CCDC13: variants seen among roughly 807,000 people sequenced by gnomAD.
The protein encoded by CCDC13 is coiled-coil domain-containing protein 13.
A neutral mutation model predicts 87.3 loss-of-function variants in CCDC13; 70 were observed. That is an observed-to-expected ratio of 0.80 (90% CI 0.66 to 0.98). The LOEUF is 0.98. Among genes scored for constraint, CCDC13 ranks in the 50% least tolerant of loss-of-function variants. CCDC13 has a pLI of 0.00. For synonymous variants in CCDC13, 317 were observed against 360.3 expected, an observed-to-expected ratio of 0.88 and a Z score of 1.36; for missense variants, 842 against 892.0, an observed-to-expected ratio of 0.94 and a Z score of 0.71.
rs750568042 is a variant in CCDC13, at chr3:42,747,327, G to C, written c.650C>G (p.Thr217Ser). The part of the protein sequence containing the change: ...VKALQDRLVA[T>S]NLKMSDLRNQ... ...TCGGAGGTCACTCATCTTCAAGTTG[G>C]TGGCCACCAGCCTGTCCTGCAGGGC... The change falls in exon 6 of 16, where the codon ACC becomes AGC. Residue 217 changes from threonine (T) to serine (S), a missense_variant. Transcript: ENST00000310232. 14 of 1,614,008 alleles carry C rather than the reference G, an allele frequency of 8.7e-6. No homozygotes were observed. Among genetic ancestry groups the C allele is most frequent in the Admixed American group, 5.0e-5 (3 of 60,004 alleles).
chr3:42,746,060 A>G, intron 6 of CCDC13, 33 bp from the exon 7 acceptor site: 2 of 1,515,676 alleles, frequency 1.3e-6, no homozygotes, highest in South Asian at 2.2e-5. Flanking sequence ...ATGTGGCCAA[A>G]AGAGAGGGCT....
intron 13 of CCDC13, among the ~76,000 whole-genome samples, chr3:42,714,523 T>C (rs1366033086): frequency 6.6e-6 from 1 of 152,274 alleles, no homozygotes; most frequent in Non-Finnish European, 1.5e-5. Flanking sequence ...TTAATCCCAC[T>C]GGAGCTTGAG....
chr3:42,762,186 G>C (rs1403420162), intron 1 of CCDC13, among the ~76,000 whole-genome samples: 1 of 152,198 alleles, frequency 6.6e-6, no homozygotes. Context: ...TGAGCCCAGG[G>C]TTTGGCAAAG....
chr3:42,752,765 A>G, intron 3 of CCDC13, 48 bp from the exon 4 acceptor site: 1 of 1,603,458 alleles, frequency 6.2e-7, no homozygotes, highest in Non-Finnish European at 8.5e-7. Flanking sequence ...AGGCATACAC[A>G]TCAAACTCAT....
intron 1 of CCDC13, among the ~76,000 whole-genome samples, chr3:42,762,243 G>A (rs777889220): frequency 4.6e-5 from 7 of 152,350 alleles, no homozygotes; most frequent in Admixed American, 3.3e-4. Context: ...TCCTTACCAG[G>A]CAGCTCTGCC....
At chr3:42,764,834 A>G (rs1157670738) in intron 1 of CCDC13, among the ~76,000 whole-genome samples, 5 of 152,116 alleles carry the variant, frequency 3.3e-5, no homozygotes, top group Non-Finnish European at 7.4e-5. Flanking sequence ...CTTGATCACT[A>G]AACTTAACCT....
chr3:42,771,175 A>G (rs1393944558), intron 1 of CCDC13: 1 of 152,216 alleles, frequency 6.6e-6, no homozygotes, highest in Non-Finnish European at 1.5e-5. Context: ...AGAAACCTAA[A>G]TGTGTATTGT....
chr3:42,746,086 G>T, intron 6 of CCDC13, 59 bp from the exon 7 acceptor site: 1 of 1,219,224 alleles, frequency 8.2e-7, no homozygotes, highest in Non-Finnish European at 1.2e-6. Flanking sequence ...AGACCCTGAT[G>T]CTGCTACGTA....
chr3:42,709,571 C>G, intron 15 of CCDC13, 113 bp downstream of exon 15: 1 of 861,520 alleles, frequency 1.2e-6, no homozygotes, highest in Admixed American at 2.0e-5. Context: ...ACAGGACAAG[C>G]CTTCTGGGCA....
chr3:42,762,368 T>C (rs559442217), intron 1 of CCDC13, among the ~76,000 whole-genome samples: 30 of 152,370 alleles, frequency 2.0e-4, no homozygotes, highest in African/African-American at 7.2e-4. Flanking sequence ...TCTGAGCCCT[T>C]GGACCATCCT....
In CCDC13 at chr3:42,725,502, C is replaced by T. The variant is rs1338114421; in HGVS notation, c.1718+4965G>A. Among the ~76,000 whole-genome samples, 4 of 135,418 alleles carry T rather than the reference C, an allele frequency of 3.0e-5. No individual in the cohort carries two copies. The Admixed American group carries it at 3.2e-4, about 11-fold the overall frequency. The allele number at this position is 135,418 out of a possible 152,430, so 88.8% of individuals were successfully genotyped here. A position where few individuals can be genotyped will look rare whatever the true frequency, so the allele number is the denominator to read the frequency against. On this transcript the variant is annotated intron_variant, in intron 13 of 15. Transcript: ENST00000310232. ...TGAGCTGTGATCACACCACTGCACT[C>T]CAGCCTGGGTGACAGAGTGAGACCC...
Position 42,734,746 on chromosome 3 carries a change from C to T in CCDC13, c.1371+961G>A, listed in dbSNP as rs145314011. ...CCAGTGGGCCAGAGGCTGCAAGGCT[C>T]CTTTGTCACTGGGAGACCTGCATGC... On this transcript the variant is annotated intron_variant, in intron 10 of 15. Coordinates refer to ENST00000310232, the MANE Select transcript of CCDC13 (RefSeq NM_144719.4). Among the ~76,000 whole-genome samples, 683 of 152,318 alleles carry T rather than the reference C, an allele frequency of 4.5e-3. 1 individual carries two copies. Among genetic ancestry groups the T allele is most frequent in the Middle Eastern group, 0.014 (4 of 294 alleles).
At chr3:42,734,967 C>T (rs1326468583) in intron 10 of CCDC13, among the ~76,000 whole-genome samples, 2 of 152,270 alleles carry the variant, frequency 1.3e-5, no homozygotes, top group Non-Finnish European at 2.9e-5. Context: ...GGCACTGAGG[C>T]ACCACGGTCT....
intron 1 of CCDC13, among the ~76,000 whole-genome samples, chr3:42,762,709 A>C (rs1283522901): frequency 6.6e-6 from 1 of 152,152 alleles, no homozygotes. Context: ...CTCTTTGCTG[A>C]TTTTGACCCG....
At chr3:42,705,244 GGGA>G (rs1365658193), downstream of CCDC13, among the ~76,000 whole-genome samples, 35 of 152,286 alleles carry the variant, frequency 2.3e-4, no homozygotes, top group African/African-American at 8.4e-4. Context: ...GCTGGGGGTG[GGGA>G]GGAGAAGCTT....
intron 12 of CCDC13, 83 bp downstream of exon 12, chr3:42,732,804 C>G (rs1698875663): frequency 1.6e-6 from 2 of 1,260,776 alleles, no homozygotes; most frequent in African/African-American, 3.0e-5. Context: ...TCAGTTTCCC[C>G]TCCTTTTAAT....
At chr3:42,763,641 AC>A (rs1224032282) in intron 1 of CCDC13, among the ~76,000 whole-genome samples, 1 of 151,834 alleles carries the variant, frequency 6.6e-6, no homozygotes, top group Non-Finnish European at 1.5e-5. Flanking sequence ...AGTTGCTGGG[AC>A]TACAGGCATG....
At chr3:42,751,720 G>T (rs999414550) in intron 5 of CCDC13, among the ~76,000 whole-genome samples, 1 of 152,230 alleles carries the variant, frequency 6.6e-6, no homozygotes, top group Admixed American at 6.5e-5. Context: ...CATAGCTTCC[G>T]ACACGACATT....
Position 42,709,031 on chromosome 3 carries a change from CA to C in CCDC13, c.2096del (p.Val699GlyfsTer34), listed in dbSNP as rs773063970. ...GCAGGGCCTGCAGGAAGACACTTTT[CA>C]CCTGGCCCAGGATCTCATGGTACAT... ...FRMYHEILGQ[V>X]KSVFLQALRQ... On this transcript the variant is annotated frameshift_variant, in exon 16 of 16. Transcript: ENST00000310232. LOFTEE classifies it high-confidence loss of function. 8.7e-6 allele frequency: 14 copies of C among 1,614,026 alleles called. No homozygotes were observed. In the East Asian group the frequency reaches 2.9e-4, roughly 33 times the overall value.
Sources: allele counts gnomAD v4.1 joint callset (sites outside exome capture counted in the v4.1 genomes callset), GRCh38; gene constraint gnomAD v4.1.1; transcripts MANE v1.5; gene names NCBI Gene and HGNC (gene_info 2026-07-23, HGNC 2026-07-21).